The following LPP variants were observed in gnomAD, a reference collection of about 807,000 sequenced individuals.
The protein encoded by LPP is lipoma-preferred partner.
Under a neutral mutation model 60.4 loss-of-function variants are expected in LPP, and 38 were observed. That is an observed-to-expected ratio of 0.63 (90% CI 0.49 to 0.83). The LOEUF (loss-of-function observed/expected upper bound fraction) is 0.83, where lower values mean the gene tolerates loss of function less well. Among genes scored for constraint, LPP ranks in the 40% least tolerant of loss-of-function variants. LPP has a pLI of 0.00. For missense variants in LPP, 902 were observed against 783.6 expected (o/e 1.15, Z -1.80); for synonymous variants, 328 against 290.8 (o/e 1.13, Z -1.30).
At chr3:188,219,495 A>C (rs192726677) in intron 1 of LPP, among the ~76,000 whole-genome samples, 1 of 152,304 alleles carries the variant, frequency 6.6e-6, no homozygotes, top group African/African-American at 2.4e-5. Context: ...TTGACCTGAA[A>C]GGACCCAAGG....
intron 8 of LPP, among the ~76,000 whole-genome samples, chr3:188,759,846 C>T (rs1030053092): frequency 6.6e-6 from 1 of 152,194 alleles, no homozygotes; most frequent in African/African-American, 2.4e-5. Flanking sequence ...CCGGGTTCTA[C>T]TGTTCCTTTC....
intron 5 of LPP, among the ~76,000 whole-genome samples, chr3:188,516,566 T>A (rs1240746184): frequency 6.6e-6 from 1 of 151,766 alleles, no homozygotes; most frequent in Non-Finnish European, 1.5e-5. Context: ...GGAAATAAAC[T>A]ATAAATTCAC....
At chr3:188,857,958 T>C (rs1003604942) in intron 9 of LPP, among the ~76,000 whole-genome samples, 2 of 152,230 alleles carry the variant, frequency 1.3e-5, no homozygotes, top group African/African-American at 4.8e-5. Flanking sequence ...ATTTATTATA[T>C]AGTCAGGACT....
chr3:188,565,311 G>A (rs138441985), intron 6 of LPP, among the ~76,000 whole-genome samples: 7 of 152,064 alleles, frequency 4.6e-5, no homozygotes, highest in African/African-American at 1.4e-4. Context: ...AATTTATAAA[G>A]TCAAGGCAAA....
intron 7 of LPP, among the ~76,000 whole-genome samples, chr3:188,648,448 A>G (rs1379208288): frequency 1.3e-5 from 2 of 152,126 alleles, no homozygotes; most frequent in African/African-American, 2.4e-5. Context: ...TCCATTTCAG[A>G]CAATGAATAC....
In LPP at chr3:188,886,741, C is replaced by T. The variant is rs1160288904; in HGVS notation, c.*12262C>T. On this transcript the variant is annotated 3_prime_UTR_variant, in exon 12 of 12. Transcript: ENST00000617246. ...CAAAACACACACACACACACATACA[C>T]ACACACACACACACACACACACACC... The T allele has an allele frequency of 1.4e-5, 3 of 210,434 alleles. No homozygotes were observed. Among genetic ancestry groups the T allele is most frequent in the Non-Finnish European group, 2.8e-5 (3 of 105,384 alleles). 13.0% of individuals were successfully genotyped at this position (210,434 alleles called of 1,614,324 possible). A position where few individuals can be genotyped will look rare whatever the true frequency, so the allele number is the denominator to read the frequency against.
At chr3:188,693,340 A>T (rs999190034) in intron 7 of LPP, among the ~76,000 whole-genome samples, 12 of 152,144 alleles carry the variant, frequency 7.9e-5, no homozygotes, top group Non-Finnish European at 1.6e-4. Context: ...TCATTGTATT[A>T]TTTGAGAAGT....
chr3:188,484,478 C>A, intron 4 of LPP, 114 bp from the exon 5 acceptor site: 1 of 699,550 alleles, frequency 1.4e-6, no homozygotes, highest in Non-Finnish European at 2.5e-6. Context: ...TGCTATACAA[C>A]ACAAAATTAT....
intron 1 of LPP, among the ~76,000 whole-genome samples, chr3:188,163,669 T>C (rs1719023493): frequency 6.6e-6 from 1 of 151,806 alleles, no homozygotes. Context: ...TGGCCAGGCA[T>C]GGTGGCTCAC....
At chr3:188,716,607 A>G (rs1577169670) in intron 8 of LPP, among the ~76,000 whole-genome samples, 1 of 152,202 alleles carries the variant, frequency 6.6e-6, no homozygotes, top group Non-Finnish European at 1.5e-5. Context: ...ATCATGTGGA[A>G]AAGGAATTTG....
chr3:188,455,178 C>T (rs1460564315), intron 4 of LPP, among the ~76,000 whole-genome samples: 1 of 151,946 alleles, frequency 6.6e-6, no homozygotes, highest in Non-Finnish European at 1.5e-5. Context: ...GGACAGTTTA[C>T]AGAGAAAAAA....
chr3:188,420,573 CA>C (rs532171201), intron 4 of LPP, among the ~76,000 whole-genome samples: 239 of 152,178 alleles, frequency 1.6e-3, no homozygotes, highest in African/African-American at 5.3e-3. Context: ...TGGATTAAGC[CA>C]GTCTCCTGAA....
chr3:188,675,098 A>T (rs951300925), intron 7 of LPP, among the ~76,000 whole-genome samples: 10 of 152,160 alleles, frequency 6.6e-5, no homozygotes, highest in African/African-American at 2.2e-4. Flanking sequence ...AGCCTTAGTT[A>T]TGAGTATAAT....
intron 6 of LPP, among the ~76,000 whole-genome samples, chr3:188,534,191 A>G (rs1306080430): frequency 6.6e-6 from 1 of 152,228 alleles, no homozygotes; most frequent in African/African-American, 2.4e-5. Flanking sequence ...ATTCAGCTAA[A>G]GCATGGGAGG....
chr3:188,525,059 C>T lies in LPP; in HGVS notation c.429+272C>T, dbSNP rs559806586. On this transcript the variant is annotated intron_variant, in intron 6 of 11. Coordinates refer to ENST00000617246, the MANE Select transcript of LPP (RefSeq NM_001375462.1). ...TTGTCTCACTGCAACCTCCGCCTCC[C>T]GGGTTCAAGCAATTCTCCTGCATCA... Among the ~76,000 whole-genome samples, 6 of 151,860 alleles carry T rather than the reference C, an allele frequency of 4.0e-5. No individual in the cohort carries two copies. The South Asian group carries it at 8.3e-4, about 21-fold the overall frequency.
intron 6 of LPP, among the ~76,000 whole-genome samples, chr3:188,537,380 A>C (rs1195497775): frequency 6.6e-6 from 1 of 152,226 alleles, no homozygotes; most frequent in Non-Finnish European, 1.5e-5. Context: ...AAGTTATGTA[A>C]AAAGGGGCTG....
Position 188,267,986 on chromosome 3 carries a change from G to A in LPP, c.-67+42459G>A, listed in dbSNP as rs111897519. Among the ~76,000 whole-genome samples, 322 of 151,024 alleles carry A rather than the reference G, an allele frequency of 2.1e-3. 3 individuals are homozygous for A. Among genetic ancestry groups the A allele is most frequent in the Middle Eastern group, 0.01 (3 of 290 alleles). On this transcript the variant is annotated intron_variant, in intron 2 of 11. Coordinates refer to ENST00000617246, the MANE Select transcript of LPP (RefSeq NM_001375462.1). ...CTCTGCCTTAGGAACACTTATGAGA[G>A]GAATCGATGGAATTCCAACTATTTT...
chr3:188,486,491 T>C (rs1466826725), intron 5 of LPP, among the ~76,000 whole-genome samples: 1 of 152,120 alleles, frequency 6.6e-6, no homozygotes, highest in African/African-American at 2.4e-5. Context: ...ATGGGCATTA[T>C]CAATATGGCC....
At chr3:188,803,998 C>T (rs111615987) in intron 9 of LPP, among the ~76,000 whole-genome samples, 28 of 151,086 alleles carry the variant, frequency 1.9e-4, no homozygotes, top group Admixed American at 2.0e-4. Flanking sequence ...TATTTTTCAG[C>T]GTAGGAATAT....
Sources: gnomAD v4.1 joint callset for allele counts (sites outside exome capture counted in the v4.1 genomes callset) on GRCh38, gnomAD v4.1.1 for gene constraint, MANE v1.5 for transcripts, NCBI Gene and HGNC (gene_info 2026-07-23, HGNC 2026-07-21) for gene names.